Variants in ITFG1 observed in about 807,000 individuals in gnomAD.
The protein encoded by ITFG1 is integrin alpha FG-GAP repeat containing 1.
Under a neutral mutation model 81.8 loss-of-function variants are expected in ITFG1, and 34 were observed. That is an observed-to-expected ratio of 0.42 (90% CI 0.32 to 0.55). The LOEUF (loss-of-function observed/expected upper bound fraction) is 0.55, where lower values mean the gene tolerates loss of function less well. Ranked by LOEUF, ITFG1 falls within the 20% of genes least tolerant of loss-of-function variation. ITFG1 has a pLI of 0.17. For missense variants in ITFG1, 672 were observed against 755.4 expected, an observed-to-expected ratio of 0.89 and a Z score of 1.29; for synonymous variants, 285 against 270.6, an observed-to-expected ratio of 1.05 and a Z score of -0.52.
intron 1 of ITFG1, among the ~76,000 whole-genome samples, 196 bp from the exon 2 acceptor site, chr16:47,459,371 T>C (rs1422147893): frequency 1.3e-5 from 2 of 152,184 alleles, no homozygotes; most frequent in Non-Finnish European, 2.9e-5. Context: ...ATGTTCAAAG[T>C]AGCAGAGAAA....
intron 6 of ITFG1, among the ~76,000 whole-genome samples, chr16:47,407,906 G>A (rs1432972841): frequency 6.6e-6 from 1 of 152,084 alleles, no homozygotes. Flanking sequence ...AGTAGATGGT[G>A]CTTATTAAAG....
At chr16:47,249,431 G>A (rs1966040741) in intron 12 of ITFG1, among the ~76,000 whole-genome samples, 4 of 151,946 alleles carry the variant, frequency 2.6e-5, no homozygotes, top group Admixed American at 2.6e-4. Context: ...AAAAGAAAAA[G>A]AAATTACAAA....
intron 14 of ITFG1, among the ~76,000 whole-genome samples, chr16:47,197,643 GAC>G (rs1234771859): frequency 6.6e-6 from 1 of 152,220 alleles, no homozygotes; most frequent in African/African-American, 2.4e-5. Flanking sequence ...TTAAATAGTT[GAC>G]AGAGTTTGGC....
At chr16:47,445,375 GAA>G (rs562889599) in intron 5 of ITFG1, among the ~76,000 whole-genome samples, 3 of 151,722 alleles carry the variant, frequency 2.0e-5, no homozygotes. Context: ...ATGTGAAGGA[GAA>G]AGTTATAGTG....
chr16:47,359,948 T>A (rs1968088566), intron 8 of ITFG1, among the ~76,000 whole-genome samples: 2 of 152,230 alleles, frequency 1.3e-5, no homozygotes, highest in African/African-American at 4.8e-5. Context: ...TTAAACTTCA[T>A]GAGAACAGGG....
At chr16:47,235,869 C>G (rs1262595520) in intron 13 of ITFG1, among the ~76,000 whole-genome samples, 1 of 152,166 alleles carries the variant, frequency 6.6e-6, no homozygotes, top group East Asian at 1.9e-4. Context: ...GGTAAGTACA[C>G]TGTGCATTTG....
rs575429434 is a variant in ITFG1, at chr16:47,317,348, T to G, written c.803-3525A>C. Among the ~76,000 whole-genome samples the G allele has an allele frequency of 3.5e-3, 526 of 152,300 alleles. 1 individual carries two copies. Among genetic ancestry groups the G allele is most frequent in the Non-Finnish European group, 6.0e-3 (407 of 68,016 alleles). On this transcript the variant is annotated intron_variant, in intron 8 of 17. Coordinates refer to ENST00000320640, the MANE Select transcript of ITFG1 (RefSeq NM_030790.5). ...GATTACAATGAATTTTTATATATAA[T>G]TTTTGTTTTTAATTAAGCAGAGAAC...
intron 6 of ITFG1, 96 bp from the exon 7 acceptor site, chr16:47,376,036 C>T (rs7185641): frequency 0.059 from 37,643 of 635,928 alleles, 3,049 homozygotes; most frequent in African/African-American, 0.31. Context: ...AAAGAATTGA[C>T]ACAATTCTAC....
At chr16:47,172,940 C>A (rs1230736689) in intron 14 of ITFG1, among the ~76,000 whole-genome samples, 1 of 152,296 alleles carries the variant, frequency 6.6e-6, no homozygotes, top group Middle Eastern at 3.4e-3. Context: ...ACTGTGTCTT[C>A]ATTTTCTACT....
chr16:47,346,697 T>C (rs1967859904), intron 8 of ITFG1, among the ~76,000 whole-genome samples: 1 of 152,134 alleles, frequency 6.6e-6, no homozygotes, highest in Non-Finnish European at 1.5e-5. Flanking sequence ...ATACACAACC[T>C]ACCAAGATTG....
chr16:47,269,486 TAAA>T (rs76159288), intron 10 of ITFG1, among the ~76,000 whole-genome samples: 1 of 101,126 alleles, frequency 9.9e-6, no homozygotes. Context: ...CTGTCTCTAT[TAAA>T]AAAAAAAAAA....
chr16:47,363,377 AT>A (rs1968134201), intron 8 of ITFG1, among the ~76,000 whole-genome samples: 1 of 151,936 alleles, frequency 6.6e-6, no homozygotes, highest in African/African-American at 2.4e-5. Context: ...CTTTAAAAAA[AT>A]TTTTTTTAGA....
intron 12 of ITFG1, among the ~76,000 whole-genome samples, chr16:47,248,689 C>T (rs1966030601): frequency 6.6e-6 from 1 of 152,104 alleles, no homozygotes; most frequent in South Asian, 2.1e-4. Context: ...ATTAAATGTG[C>T]CAAGGCTGAA....
intron 12 of ITFG1, among the ~76,000 whole-genome samples, chr16:47,255,049 T>C (rs1438179910): frequency 6.6e-6 from 1 of 152,132 alleles, no homozygotes; most frequent in Non-Finnish European, 1.5e-5. Context: ...ATCGCGCCAC[T>C]GCACTCCAGT....
At chr16:47,345,678 G>A (rs972935162) in intron 8 of ITFG1, among the ~76,000 whole-genome samples, 3 of 152,158 alleles carry the variant, frequency 2.0e-5, no homozygotes, top group African/African-American at 2.4e-5. Context: ...TGCAGCCCAC[G>A]GGCTGCAGGT....
intron 14 of ITFG1, among the ~76,000 whole-genome samples, chr16:47,190,798 T>C (rs966149760): frequency 6.6e-6 from 1 of 152,228 alleles, no homozygotes; most frequent in African/African-American, 2.4e-5. Context: ...TTATTTCTCA[T>C]GATTCAGTGG....
intron 5 of ITFG1, among the ~76,000 whole-genome samples, chr16:47,447,202 G>A (rs982732407): frequency 7.9e-5 from 12 of 152,014 alleles, no homozygotes; most frequent in Non-Finnish European, 1.3e-4. Context: ...GGTATTAACA[G>A]TAATGAAATA....
At position 47,409,733 on chromosome 16, in the gene ITFG1, A is replaced by T. The variant is rs528412079; in HGVS notation, c.655+19071T>A. Reference sequence around the variant, plus strand: ...CACCTGACCCCACAAAAAAAATTTTAAAACTTGTTTTAAAAAATCTTACAT... The same window carrying T: ...CACCTGACCCCACAAAAAAAATTTTTAAACTTGTTTTAAAAAATCTTACAT... On this transcript the variant is annotated intron_variant, in intron 6 of 17. Transcript: ENST00000320640. Among the ~76,000 whole-genome samples the T allele has an allele frequency of 3.3e-5, 5 of 151,978 alleles. No individual in the cohort carries two copies. The South Asian group carries it at 6.2e-4, about 19-fold the overall frequency.
At chr16:47,266,168 C>A (rs544344733) in intron 10 of ITFG1, among the ~76,000 whole-genome samples, 1 of 152,228 alleles carries the variant, frequency 6.6e-6, no homozygotes, top group East Asian at 1.9e-4. Context: ...ATCAAAACCA[C>A]AATGAGACAA....
Sources: allele counts gnomAD v4.1 joint callset (sites outside exome capture counted in the v4.1 genomes callset), GRCh38; gene constraint gnomAD v4.1.1; transcripts MANE v1.5; gene names NCBI Gene and HGNC (gene_info 2026-07-23, HGNC 2026-07-21).